Variants in MARCHF11 observed in about 807,000 individuals in gnomAD.
MARCHF11 encodes the protein membrane associated ring-CH-type finger 11.
Under a neutral mutation model 37.3 loss-of-function variants are expected in MARCHF11, and 29 were observed. That is an observed-to-expected ratio of 0.78 (90% CI 0.58 to 1.06). The LOEUF (loss-of-function observed/expected upper bound fraction) is 1.06. Ranked by LOEUF, MARCHF11 falls within the 50% of genes least tolerant of loss-of-function variation. MARCHF11 has a pLI of 0.00. For synonymous variants in MARCHF11, 233 were observed against 228.0 expected, an observed-to-expected ratio of 1.02 and a Z score of -0.20; for missense variants, 482 against 533.4, an observed-to-expected ratio of 0.90 and a Z score of 0.95.
chr5:16,119,388 G>C (rs1434052239), intron 2 of MARCHF11, among the ~76,000 whole-genome samples: 1 of 151,264 alleles, frequency 6.6e-6, no homozygotes, highest in Admixed American at 6.6e-5. Flanking sequence ...AGTCAAGAAA[G>C]AGAAGAAACA....
chr5:16,114,790 A>G (rs1737203193), intron 2 of MARCHF11, among the ~76,000 whole-genome samples: 1 of 152,130 alleles, frequency 6.6e-6, no homozygotes, highest in African/African-American at 2.4e-5. Flanking sequence ...ATGCCTGGCC[A>G]GCAGTTTTAC....
intron 2 of MARCHF11, among the ~76,000 whole-genome samples, chr5:16,121,954 T>C (rs181651511): frequency 6.6e-4 from 101 of 152,300 alleles, no homozygotes; most frequent in East Asian, 9.6e-4. Flanking sequence ...CTGCAGCTCA[T>C]TGGTGCTATT....
chr5:16,125,617 CTCTGTGTGTGTGTGTGTG>C (rs906989653), intron 2 of MARCHF11, among the ~76,000 whole-genome samples: 5 of 116,924 alleles, frequency 4.3e-5, no homozygotes, highest in African/African-American at 1.7e-4. Flanking sequence ...CTGGCACACT[CTCTGTGTGTGTGTGTGTG>C]TGTGTGTGTG....
chr5:16,119,655 T>TA (rs111317851), intron 2 of MARCHF11, among the ~76,000 whole-genome samples: 6,973 of 151,282 alleles, frequency 0.046, 432 homozygotes, highest in African/African-American at 0.15. Flanking sequence ...TTAAGATGTT[T>TA]AAAAAAAAAT....
chr5:16,140,658 A>G (rs774075085), intron 2 of MARCHF11, among the ~76,000 whole-genome samples: 9 of 152,192 alleles, frequency 5.9e-5, no homozygotes, highest in Non-Finnish European at 1.0e-4. Flanking sequence ...ACATGCACAC[A>G]AGGAAACCAC....
intron 2 of MARCHF11, among the ~76,000 whole-genome samples, chr5:16,131,435 A>C (rs1296115283): frequency 6.6e-6 from 1 of 152,256 alleles, no homozygotes; most frequent in African/African-American, 2.4e-5. Context: ...ATGTGTAATT[A>C]TACTAAAAGA....
At chr5:16,176,937 T>A (rs187023521) in intron 2 of MARCHF11, among the ~76,000 whole-genome samples, 110 of 152,322 alleles carry the variant, frequency 7.2e-4, no homozygotes, top group African/African-American at 2.6e-3. Context: ...TAATTACACA[T>A]TATTCTGCTT....
intron 2 of MARCHF11, among the ~76,000 whole-genome samples, chr5:16,106,147 G>T (rs1000146866): frequency 3.9e-5 from 6 of 152,116 alleles, no homozygotes; most frequent in Middle Eastern, 3.2e-3. Flanking sequence ...AAATGGCAGG[G>T]CGTATTGGGA....
intron 2 of MARCHF11, among the ~76,000 whole-genome samples, chr5:16,171,381 G>A (rs1235518165): frequency 6.6e-6 from 1 of 151,500 alleles, no homozygotes; most frequent in Non-Finnish European, 1.5e-5. Flanking sequence ...TTTTCTAAGA[G>A]GTTGTAAAAA....
At chr5:16,095,332 G>A (rs1223010192) in intron 2 of MARCHF11, among the ~76,000 whole-genome samples, 1 of 152,128 alleles carries the variant, frequency 6.6e-6, no homozygotes, top group Non-Finnish European at 1.5e-5. Flanking sequence ...GTTTGCAAGG[G>A]GAGCTGCCCC....
At chr5:16,068,161 G>A (rs1736380158) in intron 3 of MARCHF11, among the ~76,000 whole-genome samples, 1 of 152,204 alleles carries the variant, frequency 6.6e-6, no homozygotes, top group Admixed American at 6.5e-5. Context: ...CAAGCAATGT[G>A]TTAGGGGCTT....
intron 2 of MARCHF11, among the ~76,000 whole-genome samples, chr5:16,132,009 C>T (rs548627743): frequency 2.0e-5 from 3 of 152,296 alleles, no homozygotes; most frequent in South Asian, 4.1e-4. Flanking sequence ...CCATGAGTGC[C>T]GTTCAGAGAC....
intron 2 of MARCHF11, among the ~76,000 whole-genome samples, chr5:16,169,289 C>A (rs1319017078): frequency 6.6e-6 from 1 of 151,670 alleles, no homozygotes; most frequent in African/African-American, 2.4e-5. Context: ...ACACCCCATG[C>A]CCAAATTAAG....
At chr5:16,086,957 T>G (rs1282984867) in intron 3 of MARCHF11, among the ~76,000 whole-genome samples, 2 of 152,226 alleles carry the variant, frequency 1.3e-5, no homozygotes, top group African/African-American at 4.8e-5. Flanking sequence ...TTTGCTCATC[T>G]TCCTTTGTCC....
chr5:16,146,416 A>G (rs769042012), intron 2 of MARCHF11, among the ~76,000 whole-genome samples: 2 of 152,146 alleles, frequency 1.3e-5, no homozygotes, highest in Non-Finnish European at 2.9e-5. Flanking sequence ...TTCCCTTTCC[A>G]CGGATGGTTT....
At chr5:16,102,998 C>G (rs1247020494) in intron 2 of MARCHF11, among the ~76,000 whole-genome samples, 1 of 151,970 alleles carries the variant, frequency 6.6e-6, no homozygotes, top group Non-Finnish European at 1.5e-5. Context: ...ATATGGAATT[C>G]TGACCCTTTA....
intron 2 of MARCHF11, among the ~76,000 whole-genome samples, chr5:16,131,485 G>T (rs2126584450): frequency 6.6e-6 from 1 of 152,208 alleles, no homozygotes; most frequent in African/African-American, 2.4e-5. Flanking sequence ...AGAAAGGAAA[G>T]AAAAAATGCA....
chr5:16,070,984 G>A (rs770122135), intron 3 of MARCHF11, among the ~76,000 whole-genome samples: 1 of 151,716 alleles, frequency 6.6e-6, no homozygotes, highest in Non-Finnish European at 1.5e-5. Context: ...GCGTTACGGC[G>A]AACACCTTTT....
chr5:16,169,120 T>G (rs1579425203), intron 2 of MARCHF11, among the ~76,000 whole-genome samples: 2 of 152,192 alleles, frequency 1.3e-5, no homozygotes, highest in Admixed American at 1.3e-4. Context: ...GAAACAATTC[T>G]TCATTCATTT....
Sources: gnomAD v4.1 joint callset for allele counts (sites outside exome capture counted in the v4.1 genomes callset) on GRCh38, gnomAD v4.1.1 for gene constraint, MANE v1.5 for transcripts, NCBI Gene and HGNC (gene_info 2026-07-23, HGNC 2026-07-21) for gene names.